Variants in CACNA1A observed in about 807,000 individuals in gnomAD.
The protein encoded by CACNA1A is calcium voltage-gated channel subunit alpha1 A.
In CACNA1A, 57 loss-of-function variants were observed where a neutral mutation model predicts 262.4. The ratio of observed to expected loss-of-function variants is 0.22; its 90% confidence interval spans 0.18 to 0.27. The LOEUF (loss-of-function observed/expected upper bound fraction) is 0.27. Among genes scored for constraint, CACNA1A ranks in the 10% least tolerant of loss-of-function variants. The pLI is 1.00. For missense variants in CACNA1A, 2,526 were observed against 3,562.8 expected, an observed-to-expected ratio of 0.71 and a Z score of 7.41; for synonymous variants, 1,431 against 1,419.3, an observed-to-expected ratio of 1.01 and a Z score of -0.18.
At chr19:13,370,769 G>A (rs1255966843) in intron 4 of CACNA1A, 1 of 149,874 alleles carries the variant, frequency 6.7e-6, no homozygotes, top group Non-Finnish European at 1.5e-5. Flanking sequence ...GTAGATATTG[G>A]CGGGGGGGTG....
chr19:13,328,965 C>T (rs1030536163), intron 10 of CACNA1A, among the ~76,000 whole-genome samples: 2 of 151,970 alleles, frequency 1.3e-5, no homozygotes, highest in Admixed American at 1.3e-4. Context: ...CTCTAAACTG[C>T]GGCCACACAG....
chr19:13,257,265 G>C (rs1379844638), intron 28 of CACNA1A, 85 bp downstream of exon 28: 1 of 1,116,554 alleles, frequency 9.0e-7, no homozygotes, highest in Non-Finnish European at 1.3e-6. Context: ...GGTACCCCTA[G>C]AAAGGGGTTC....
chr19:13,401,893 C>T (rs187323108), intron 3 of CACNA1A, among the ~76,000 whole-genome samples: 16 of 152,184 alleles, frequency 1.1e-4, no homozygotes, highest in South Asian at 6.2e-4. Flanking sequence ...CCCAGGTTGG[C>T]GTTAAACTAC....
chr19:13,418,777 A>G (rs2144774540), intron 3 of CACNA1A, among the ~76,000 whole-genome samples: 2 of 152,338 alleles, frequency 1.3e-5, no homozygotes, highest in South Asian at 4.1e-4. Context: ...TGGTACAGTC[A>G]TGTGCTACAT....
chr19:13,490,850 A>G (rs1201388723), intron 1 of CACNA1A, among the ~76,000 whole-genome samples: 1 of 144,490 alleles, frequency 6.9e-6, no homozygotes, highest in East Asian at 2.2e-4. Flanking sequence ...GGAGGGAAGG[A>G]GGGAAAGAGA....
chr19:13,483,949 C>T (rs1979667592), intron 1 of CACNA1A, among the ~76,000 whole-genome samples: 1 of 152,178 alleles, frequency 6.6e-6, no homozygotes, highest in Admixed American at 6.5e-5. Context: ...CTTTAATTCC[C>T]ATTTTATAGG....
At chr19:13,463,410 G>A (rs1361099776) in intron 1 of CACNA1A, among the ~76,000 whole-genome samples, 2 of 152,272 alleles carry the variant, frequency 1.3e-5, no homozygotes, top group East Asian at 1.9e-4. Flanking sequence ...AATGAAGCCT[G>A]GAAAAGATCT....
chr19:13,505,822 C>G (rs1982967236), intron 1 of CACNA1A, 110 bp downstream of exon 1: 3 of 1,156,662 alleles, frequency 2.6e-6, no homozygotes, highest in South Asian at 1.3e-5. Context: ...GAAGACCCCC[C>G]TCCTCCCCAC....
chr19:13,448,887 T>C (rs2060864298), intron 3 of CACNA1A, among the ~76,000 whole-genome samples: 1 of 152,176 alleles, frequency 6.6e-6, no homozygotes, highest in Admixed American at 6.6e-5. Flanking sequence ...AACACAAAAG[T>C]CAGGTTAGAG....
chr19:13,406,788 G>T (rs748388351), intron 3 of CACNA1A, among the ~76,000 whole-genome samples: 25 of 151,612 alleles, frequency 1.6e-4, no homozygotes, highest in Non-Finnish European at 2.9e-4. Context: ...AAAAAGCTAA[G>T]CACAACCACC....
At chr19:13,438,080 C>T (rs2060645324) in intron 3 of CACNA1A, among the ~76,000 whole-genome samples, 1 of 151,936 alleles carries the variant, frequency 6.6e-6, no homozygotes, top group African/African-American at 2.4e-5. Flanking sequence ...GTATGATGGG[C>T]CCTCTGCTCT....
chr19:13,338,945 A>C lies in CACNA1A; in HGVS notation c.979-3036T>G, dbSNP rs1384666685. 2.6e-5 allele frequency among the ~76,000 whole-genome samples: 4 copies of C among 152,216 alleles called. No individual in the cohort carries two copies. In the East Asian group the frequency reaches 7.7e-4, roughly 29 times the overall value. ...CAGTGGCATGATCTCAGCTCACTGCAACCTCTGCCTCCCGGGTTCAAGCAA... is the reference window on the plus strand; with the variant it reads ...CAGTGGCATGATCTCAGCTCACTGCCACCTCTGCCTCCCGGGTTCAAGCAA... On this transcript the variant is annotated intron_variant, in intron 6 of 46. Transcript: ENST00000360228.
At chr19:13,326,838 A>T in intron 10 of CACNA1A, among the ~76,000 whole-genome samples, 1 of 151,264 alleles carries the variant, frequency 6.6e-6, no homozygotes, top group East Asian at 1.9e-4. Flanking sequence ...TGTGAACGTG[A>T]ACGCAAATAC....
chr19:13,207,645 C>A lies in CACNA1A; in HGVS notation c.7189G>T (p.Val2397Leu). ...CGGGGACCCGGGGGCCCCTCGGACACGTGCGGGCCAGATGCCGGCCACCGG... is the reference window on the plus strand; with the variant it reads ...CGGGGACCCGGGGGCCCCTCGGACAAGTGCGGGCCAGATGCCGGCCACCGG... Reference protein sequence around the residue: ...GARWPASGPHVSEGPPGPRHH... With the variant: ...GARWPASGPHLSEGPPGPRHH... Residue 2397 changes from valine (V) to leucine (L), a missense_variant, in exon 47 of 47, where the codon GTG becomes TTG. Transcript: ENST00000360228. This position sits in a 1 kb window ranked among gnomAD's most constrained non-coding sequence, Gnocchi z 5.7. 2 of 1,464,802 alleles carry A rather than the reference C, an allele frequency of 1.4e-6. No homozygotes were observed. The highest frequency in any genetic ancestry group is 1.8e-6 in the Non-Finnish European group (2 of 1,108,090). The allele number at this position is 1,464,802 out of a possible 1,614,324, so 90.7% of individuals were successfully genotyped here. A position where few individuals can be genotyped will look rare whatever the true frequency, so the allele number is the denominator to read the frequency against.
At chr19:13,257,168 T>C in intron 28 of CACNA1A, 182 bp downstream of exon 28, 2 of 574,192 alleles carry the variant, frequency 3.5e-6, no homozygotes, top group Admixed American at 3.0e-5. Context: ...ATACATACAC[T>C]ATATGATGTG....
intron 31 of CACNA1A, among the ~76,000 whole-genome samples, chr19:13,240,042 T>A (rs1163399246): frequency 6.6e-6 from 1 of 151,508 alleles, no homozygotes; most frequent in African/African-American, 2.4e-5. Flanking sequence ...TCCCAGGTAC[T>A]CAGGAGGCTG....
chr19:13,237,174 C>G (rs1733024363), intron 31 of CACNA1A, among the ~76,000 whole-genome samples: 1 of 152,078 alleles, frequency 6.6e-6, no homozygotes. Context: ...TGGTGTCTGC[C>G]TGGCCCCCAG....
At chr19:13,370,261 C>T (rs899614111) in intron 4 of CACNA1A, among the ~76,000 whole-genome samples, 7 of 151,700 alleles carry the variant, frequency 4.6e-5, no homozygotes, top group South Asian at 2.1e-4. Flanking sequence ...CCACCACGCC[C>T]GGCTAAGTTT....
At chr19:13,406,510 T>C (rs1171674181) in intron 3 of CACNA1A, among the ~76,000 whole-genome samples, 1 of 106,670 alleles carries the variant, frequency 9.4e-6, no homozygotes, top group Non-Finnish European at 1.9e-5. Context: ...TATATATATA[T>C]ATGAAGGGAA....
Sources: gnomAD v4.1 joint callset for allele counts (sites outside exome capture counted in the v4.1 genomes callset) on GRCh38, gnomAD v4.1.1 for gene constraint, Gnocchi (gnomAD v3.1) non-coding constraint, MANE v1.5 for transcripts, NCBI Gene and HGNC (gene_info 2026-07-23, HGNC 2026-07-21) for gene names.